Variants in KAZN observed in about 807,000 individuals in gnomAD.
KAZN encodes the protein kazrin, periplakin interacting protein, also known as kazrin.
Under a neutral mutation model 87.4 loss-of-function variants are expected in KAZN, and 40 were observed. The observed-to-expected ratio is 0.46, with a 90% CI of 0.36 to 0.60. The LOEUF (loss-of-function observed/expected upper bound fraction) is 0.60, where lower values mean the gene tolerates loss of function less well. Among genes scored for constraint, KAZN ranks in the 20% least tolerant of loss-of-function variants. The pLI, the probability that KAZN is intolerant of heterozygous loss-of-function variation, is 0.00. For synonymous variants in KAZN, 466 were observed against 458.3 expected, an observed-to-expected ratio of 1.02 and a Z score of -0.22; for missense variants, 898 against 1,073.9, an observed-to-expected ratio of 0.84 and a Z score of 2.29.
At chr1:14,277,380 T>C (rs1298365865) in intron 2 of KAZN, among the ~76,000 whole-genome samples, 1 of 152,128 alleles carries the variant, frequency 6.6e-6, no homozygotes, top group African/African-American at 2.4e-5. Flanking sequence ...GAAACAACAG[T>C]AACGGCCAGG....
At chr1:14,056,666 G>C (rs767167164) in intron 1 of KAZN, among the ~76,000 whole-genome samples, 3 of 152,184 alleles carry the variant, frequency 2.0e-5, no homozygotes, top group Non-Finnish European at 2.9e-5. Context: ...GTTCAGAGAG[G>C]TTCGGAGGTG....
At chr1:14,707,486 G>T (rs889919971) in intron 1 of KAZN, among the ~76,000 whole-genome samples, 4 of 152,250 alleles carry the variant, frequency 2.6e-5, no homozygotes, top group South Asian at 2.1e-4. Context: ...TGTCTTAAAA[G>T]GTCTCTTTCT....
At chr1:14,896,379 T>C (rs1233453750) in intron 1 of KAZN, among the ~76,000 whole-genome samples, 4 of 152,218 alleles carry the variant, frequency 2.6e-5, no homozygotes, top group Admixed American at 6.5e-5. Flanking sequence ...TAAAAGACGA[T>C]GAAGGAGGCC....
chr1:13,899,062 G>A (rs1276772060), intron 1 of KAZN, among the ~76,000 whole-genome samples: 1 of 152,206 alleles, frequency 6.6e-6, no homozygotes, highest in Non-Finnish European at 1.5e-5. Flanking sequence ...CAGCTTTAAG[G>A]TTTCCTTGTA....
At chr1:14,015,003 G>A (rs945668960) in intron 1 of KAZN, among the ~76,000 whole-genome samples, 2 of 151,990 alleles carry the variant, frequency 1.3e-5, no homozygotes, top group Non-Finnish European at 2.9e-5. Flanking sequence ...GCTTGGGAAA[G>A]GTTTTTATTG....
rs550191565 is a variant in KAZN, at chr1:14,260,041, G to C, written c.249+79449G>C. On this transcript the variant is annotated intron_variant, in intron 2 of 16. Transcript: ENST00000636203. ...ATTTTCTGAGTTGGCTGTTATCACC[G>C]TTTTCAATTTCTACACTCCTGAAGT... 2.0e-5 allele frequency among the ~76,000 whole-genome samples: 3 copies of C among 152,122 alleles called. No individual in the cohort carries two copies. The South Asian group carries it at 6.2e-4, about 32-fold the overall frequency.
In KAZN at chr1:15,046,535, G is replaced by A. The variant is rs181512577; in HGVS notation, c.726+2376G>A. Among the ~76,000 whole-genome samples, 3 of 152,302 alleles carry A rather than the reference G, an allele frequency of 2.0e-5. No homozygotes were observed. The East Asian group carries it at 5.8e-4, about 30-fold the overall frequency. On this transcript the variant is annotated intron_variant, in intron 4 of 14. Transcript: ENST00000376030. ...CCCACGTTGTTCAAGAGTGGACTGT[G>A]CTTTGTGGGGCTCTTGTGAGGATTT...
chr1:14,309,738 C>A (rs1450726112), intron 2 of KAZN, among the ~76,000 whole-genome samples: 1 of 151,902 alleles, frequency 6.6e-6, no homozygotes, highest in African/African-American at 2.4e-5. Context: ...AGTTAACTTT[C>A]TTAAAAAAAA....
At chr1:14,190,328 C>G (rs1303388044) in intron 2 of KAZN, among the ~76,000 whole-genome samples, 2 of 152,110 alleles carry the variant, frequency 1.3e-5, no homozygotes, top group Admixed American at 6.5e-5. Flanking sequence ...GATTTTACCT[C>G]CATTATCTCA....
intron 1 of KAZN, among the ~76,000 whole-genome samples, chr1:14,713,160 C>T (rs1642578759): frequency 6.6e-6 from 1 of 152,156 alleles, no homozygotes; most frequent in Non-Finnish European, 1.5e-5. Context: ...CTCTGTGTGT[C>T]TCTCCTCCTT....
At chr1:14,530,727 ATC>A (rs1476565136) in intron 2 of KAZN, among the ~76,000 whole-genome samples, 1 of 152,108 alleles carries the variant, frequency 6.6e-6, no homozygotes, top group Non-Finnish European at 1.5e-5. Context: ...AGCAGATGTC[ATC>A]ACCATGCTTC....
At chr1:15,095,099 A>G (rs1284954116) in intron 10 of KAZN, among the ~76,000 whole-genome samples, 166 bp downstream of exon 10, 2 of 152,048 alleles carry the variant, frequency 1.3e-5, no homozygotes, top group Non-Finnish European at 2.9e-5. Context: ...GGGCTTGGGC[A>G]TACCCCAGCC....
At chr1:14,333,166 T>C (rs1314436440) in intron 2 of KAZN, among the ~76,000 whole-genome samples, 1 of 152,188 alleles carries the variant, frequency 6.6e-6, no homozygotes, top group Non-Finnish European at 1.5e-5. Flanking sequence ...ATTAGTTTGC[T>C]GAGGAAAATG....
intron 13 of KAZN, among the ~76,000 whole-genome samples, chr1:15,107,438 T>A (rs1350640681): frequency 6.6e-6 from 1 of 152,196 alleles, no homozygotes; most frequent in African/African-American, 2.4e-5. Flanking sequence ...CCATCCAGAA[T>A]GCCTTGTGGC....
intron 1 of KAZN, among the ~76,000 whole-genome samples, chr1:13,995,203 A>G (rs2101122130): frequency 6.9e-6 from 1 of 144,158 alleles, no homozygotes; most frequent in South Asian, 2.4e-4. Flanking sequence ...TGGAAGTCTT[A>G]GACAGTGCAA....
chr1:14,537,061 G>C (rs1214190430), intron 2 of KAZN, among the ~76,000 whole-genome samples: 1 of 152,192 alleles, frequency 6.6e-6, no homozygotes. Flanking sequence ...GTGGTGTCTT[G>C]CATCCAGAAG....
intron 1 of KAZN, among the ~76,000 whole-genome samples, chr1:14,600,331 T>C (rs1676857369): frequency 1.3e-5 from 2 of 152,074 alleles, no homozygotes; most frequent in South Asian, 2.1e-4. Flanking sequence ...CTCTTGAGGG[T>C]TGAGAGAGTC....
intron 1 of KAZN, among the ~76,000 whole-genome samples, chr1:14,017,409 G>A (rs1454390191): frequency 6.6e-6 from 1 of 152,228 alleles, no homozygotes; most frequent in South Asian, 2.1e-4. Context: ...TTCTAAGAAA[G>A]GCAGAGGGGC....
rs376127418 is a variant in KAZN at position 13,977,532 on chromosome 1, C to A, written c.91+83776C>A. Reference sequence around the variant, plus strand: ...AAAGCTCCCTGAAGACAAAGAGAAACCAAATGAACAAGAACTTGAGAGGCC... The same window carrying A: ...AAAGCTCCCTGAAGACAAAGAGAAAACAAATGAACAAGAACTTGAGAGGCC... On this transcript the variant is annotated intron_variant, in intron 1 of 16. Transcript: ENST00000636203. Among the ~76,000 whole-genome samples the A allele has an allele frequency of 2.2e-4, 33 of 152,168 alleles. No homozygotes were observed. In the South Asian group the frequency reaches 5.0e-3, roughly 23 times the overall value.
Sources: gnomAD v4.1 joint callset for allele counts (sites outside exome capture counted in the v4.1 genomes callset) on GRCh38, gnomAD v4.1.1 for gene constraint, MANE v1.5 for transcripts, NCBI Gene and HGNC (gene_info 2026-07-23, HGNC 2026-07-21) for gene names.